Variants in NBEA observed in about 807,000 individuals in gnomAD.
NBEA encodes the protein lysosomal-trafficking regulator 2.
A neutral mutation model predicts 343.4 loss-of-function variants in NBEA; 44 were observed. That is an observed-to-expected ratio of 0.13 (90% CI 0.10 to 0.16). The LOEUF is 0.16. Ranked by LOEUF, NBEA falls within the 10% of genes least tolerant of loss-of-function variation. The probability of loss-of-function intolerance (pLI) is 1.00; values close to 1 mark genes in which losing one functional copy is unlikely to be tolerated. For missense variants in NBEA, 2,555 were observed against 3,631.3 expected, an observed-to-expected ratio of 0.70 and a Z score of 7.62; for synonymous variants, 1,175 against 1,238.7, an observed-to-expected ratio of 0.95 and a Z score of 1.08.
At chr13:35,394,636 T>C (rs1019928398) in intron 38 of NBEA, among the ~76,000 whole-genome samples, 1 of 152,032 alleles carries the variant, frequency 6.6e-6, no homozygotes, top group Non-Finnish European at 1.5e-5. Flanking sequence ...CCACATAACA[T>C]ATGCATATAT....
intron 1 of NBEA, among the ~76,000 whole-genome samples, chr13:34,959,334 C>T (rs1826648916): frequency 6.6e-6 from 1 of 151,952 alleles, no homozygotes; most frequent in Admixed American, 6.6e-5. Context: ...TGTTGGAAGT[C>T]GTCCACCTGG....
At chr13:35,569,939 G>A (rs1368804813) in intron 45 of NBEA, among the ~76,000 whole-genome samples, 1 of 152,156 alleles carries the variant, frequency 6.6e-6, no homozygotes, top group Non-Finnish European at 1.5e-5. Flanking sequence ...TATCCATGTA[G>A]GAAAAAATGA....
At chr13:35,110,592 A>G (rs1183089805) in intron 12 of NBEA, among the ~76,000 whole-genome samples, 1 of 152,092 alleles carries the variant, frequency 6.6e-6, no homozygotes, top group Non-Finnish European at 1.5e-5. Flanking sequence ...CAGCTGTTGG[A>G]CTACCTCTAT....
chr13:35,488,674 G>A (rs2076391075), intron 41 of NBEA, among the ~76,000 whole-genome samples: 2 of 151,874 alleles, frequency 1.3e-5, no homozygotes, highest in South Asian at 4.1e-4. Flanking sequence ...AGCATGAGCA[G>A]AGGTAAATAC....
intron 1 of NBEA, among the ~76,000 whole-genome samples, chr13:34,985,495 A>C (rs2060512503): frequency 6.6e-6 from 1 of 150,940 alleles, no homozygotes; most frequent in Non-Finnish European, 1.5e-5. Context: ...TTGGTCTAAA[A>C]TTCTCTTTTT....
At chr13:35,349,540 C>T (rs1460593796) in intron 37 of NBEA, among the ~76,000 whole-genome samples, 1 of 151,900 alleles carries the variant, frequency 6.6e-6, no homozygotes, top group East Asian at 1.9e-4. Context: ...GATTTACACA[C>T]CAATAGGTAG....
intron 41 of NBEA, among the ~76,000 whole-genome samples, chr13:35,502,534 T>G (rs1177023539): frequency 1.3e-5 from 2 of 152,120 alleles, no homozygotes; most frequent in Non-Finnish European, 2.9e-5. Flanking sequence ...CACAAAGTTT[T>G]TTCCATGATT....
At chr13:35,248,851 G>T (rs1481639772) in intron 34 of NBEA, among the ~76,000 whole-genome samples, 7 of 152,086 alleles carry the variant, frequency 4.6e-5, no homozygotes, top group Non-Finnish European at 8.8e-5. Context: ...AAGAAAACAG[G>T]ATAAAAGCTT....
intron 35 of NBEA, among the ~76,000 whole-genome samples, chr13:35,301,815 G>A (rs11843263): frequency 0.1 from 15,719 of 152,068 alleles, 1,006 homozygotes; most frequent in African/African-American, 0.19. Context: ...GTGTAAAAGC[G>A]TTCCTATTGC....
At chr13:35,527,026 C>G (rs1261206813) in intron 41 of NBEA, among the ~76,000 whole-genome samples, 3 of 152,058 alleles carry the variant, frequency 2.0e-5, no homozygotes, top group Non-Finnish European at 4.4e-5. Flanking sequence ...TCTTCTCTTC[C>G]TCTCTCCTTC....
intron 45 of NBEA, among the ~76,000 whole-genome samples, chr13:35,581,950 A>G (rs2081069113): frequency 6.6e-6 from 1 of 151,966 alleles, no homozygotes; most frequent in Non-Finnish European, 1.5e-5. Context: ...ATATCTGAAC[A>G]TCTAGTAAAG....
rs574539491 is a variant in NBEA, at chr13:35,152,273, A to T, written c.2446-3501A>T. Among the ~76,000 whole-genome samples, 181 of 152,336 alleles carry T rather than the reference A, an allele frequency of 1.2e-3. 2 individuals carry two copies. In the South Asian group the frequency reaches 0.013, roughly 11 times the overall value. ...TTTTACGAGTTAGTCAACTTTAAGC[A>T]CTTAATAATCAAAGTTTTTCTCAAA... On this transcript the variant is annotated intron_variant, in intron 18 of 58. Transcript: ENST00000379939.
rs1294447334 is a variant in NBEA at position 35,161,795 on chromosome 13, G to A, written c.3907G>A (p.Val1303Ile). The A allele has an allele frequency of 6.2e-7, 1 of 1,612,396 alleles. No homozygotes were observed. The highest frequency in any genetic ancestry group is 8.5e-7 in the Non-Finnish European group (1 of 1,179,322). Residue 1303 changes from valine to isoleucine, a missense_variant, in exon 23 of 59, where the codon GTT becomes ATT. Transcript: ENST00000379939. ...CACCCAACAAGACCGAGATCTCCGA[G>A]TTGATTTAGGATTTCGAGGAATGCC... Reference protein sequence around the residue: ...SITQQDRDLRVDLGFRGMPMT... With the variant: ...SITQQDRDLRIDLGFRGMPMT...
At chr13:35,087,339 A>T (rs59140583) in intron 10 of NBEA, among the ~76,000 whole-genome samples, 1 of 151,780 alleles carries the variant, frequency 6.6e-6, no homozygotes, top group Non-Finnish European at 1.5e-5. Flanking sequence ...AAATGCTTCC[A>T]CTAAAGTTGG....
intron 55 of NBEA, among the ~76,000 whole-genome samples, chr13:35,659,494 A>G (rs2084968581): frequency 6.6e-6 from 1 of 152,210 alleles, no homozygotes; most frequent in Non-Finnish European, 1.5e-5. Flanking sequence ...TCTTTTTGGC[A>G]GGTATAGAAA....
rs144732241 is a variant in NBEA, at chr13:34,977,123, A to G, written c.294+34009A>G. 2.0e-3 allele frequency among the ~76,000 whole-genome samples: 300 copies of G among 151,824 alleles called. 1 individual carries two copies. The highest frequency in any genetic ancestry group is 3.4e-3 in the Non-Finnish European group (231 of 67,906). ...GGCCAGCAAATTTTGTATTTTTAGT[A>G]GAGATGATATTTCTTCTTGTTGGTC... On this transcript the variant is annotated intron_variant, in intron 1 of 58. Transcript: ENST00000379939.
chr13:34,992,884 C>T (rs897701846), intron 1 of NBEA, among the ~76,000 whole-genome samples: 18 of 150,532 alleles, frequency 1.2e-4, no homozygotes, highest in East Asian at 2.0e-4. Context: ...AGGGTTTCAC[C>T]GTATTAGCCA....
At chr13:34,968,335 C>G (rs1030058629) in intron 1 of NBEA, among the ~76,000 whole-genome samples, 1 of 152,078 alleles carries the variant, frequency 6.6e-6, no homozygotes, top group Non-Finnish European at 1.5e-5. Context: ...GCCTTATATT[C>G]ACTTGCTTAG....
chr13:35,223,029 T>C (rs1593816109), intron 33 of NBEA, among the ~76,000 whole-genome samples: 1 of 151,702 alleles, frequency 6.6e-6, no homozygotes, highest in Non-Finnish European at 1.5e-5. Context: ...TACTCCGGAG[T>C]CTGAGGCAGG....
Sources: gnomAD v4.1 joint callset for allele counts (sites outside exome capture counted in the v4.1 genomes callset) on GRCh38, gnomAD v4.1.1 for gene constraint, MANE v1.5 for transcripts, NCBI Gene and HGNC (gene_info 2026-07-23, HGNC 2026-07-21) for gene names.